The following KCTD16 variants were observed in gnomAD, a reference collection of about 807,000 sequenced individuals.
KCTD16 encodes the protein BTB/POZ domain-containing protein KCTD16.
A neutral mutation model predicts 33.2 loss-of-function variants in KCTD16; 13 were observed. The ratio of observed to expected loss-of-function variants is 0.39; its 90% CI spans 0.25 to 0.62. The LOEUF (loss-of-function observed/expected upper bound fraction) is 0.62. Ranked by LOEUF, KCTD16 falls within the 20% of genes least tolerant of loss-of-function variation. The probability of loss-of-function intolerance (pLI) is 0.50; values close to 1 mark genes in which losing one functional copy is unlikely to be tolerated. For synonymous variants in KCTD16, 197 were observed against 195.3 expected (o/e 1.01, Z -0.07); for missense variants, 441 against 525.1 (o/e 0.84, Z 1.57).
chr5:144,414,508 A>T, intron 3 of KCTD16, among the ~76,000 whole-genome samples: 1 of 152,214 alleles, frequency 6.6e-6, no homozygotes, highest in East Asian at 1.9e-4. Context: ...TCAGGCAGGG[A>T]CAATGTCTTC....
At chr5:144,233,647 C>T (rs975079352) in intron 3 of KCTD16, among the ~76,000 whole-genome samples, 7 of 152,086 alleles carry the variant, frequency 4.6e-5, no homozygotes, top group Non-Finnish European at 1.0e-4. Flanking sequence ...TGTGCTATTA[C>T]ATTATTTGCA....
At chr5:144,451,078 G>C (rs1753930728) in intron 3 of KCTD16, among the ~76,000 whole-genome samples, 1 of 152,066 alleles carries the variant, frequency 6.6e-6, no homozygotes, top group South Asian at 2.1e-4. Flanking sequence ...ATGCACAGCT[G>C]CTTTTATATA....
chr5:144,225,553 TGTG>T (rs1753905236), intron 3 of KCTD16, among the ~76,000 whole-genome samples: 1 of 20,428 alleles, frequency 4.9e-5, no homozygotes, highest in South Asian at 9.7e-4. Flanking sequence ...AAAAATAAAT[TGTG>T]TGTGTGTGTG....
At chr5:144,308,665 T>G (rs1481164929) in intron 3 of KCTD16, among the ~76,000 whole-genome samples, 1 of 152,140 alleles carries the variant, frequency 6.6e-6, no homozygotes, top group Non-Finnish European at 1.5e-5. Flanking sequence ...ATATATCTGT[T>G]TGTCTGTCTG....
chr5:144,361,288 T>A (rs941523206), intron 3 of KCTD16, among the ~76,000 whole-genome samples: 3 of 152,168 alleles, frequency 2.0e-5, no homozygotes, highest in African/African-American at 7.2e-5. Flanking sequence ...TACCTAGTAA[T>A]GGGATTGCTG....
intron 3 of KCTD16, among the ~76,000 whole-genome samples, chr5:144,372,839 C>T (rs945651127): frequency 3.2e-4 from 49 of 152,118 alleles, no homozygotes; most frequent in African/African-American, 1.1e-3. Flanking sequence ...GGCTGTTAGC[C>T]CAGAATCAGG....
chr5:144,360,169 T>A (rs1751673985), intron 3 of KCTD16, among the ~76,000 whole-genome samples: 1 of 152,136 alleles, frequency 6.6e-6, no homozygotes, highest in Admixed American at 6.6e-5. Context: ...GGTATACACG[T>A]GCCATGGTGG....
rs530100102 is a variant in KCTD16 at position 144,416,189 on chromosome 5, A to C, written c.833-57471A>C. Among the ~76,000 whole-genome samples, 3 of 152,340 alleles carry C rather than the reference A, an allele frequency of 2.0e-5. No homozygotes were observed. The East Asian group carries it at 5.8e-4, about 29-fold the overall frequency. ...CTGAATAATTCTCTCAGTGTTGTACAAGTAATAGGCAGAACACAAGCTCAG... is the reference window on the plus strand; with the variant it reads ...CTGAATAATTCTCTCAGTGTTGTACCAGTAATAGGCAGAACACAAGCTCAG... On this transcript the variant is annotated intron_variant, in intron 3 of 3. Transcript: ENST00000512467.
intron 3 of KCTD16, among the ~76,000 whole-genome samples, chr5:144,237,139 G>A (rs1176716013): frequency 6.6e-6 from 1 of 152,008 alleles, no homozygotes; most frequent in Non-Finnish European, 1.5e-5. Flanking sequence ...TACCCAGAAT[G>A]TTTCTCCTAC....
intron 3 of KCTD16, among the ~76,000 whole-genome samples, chr5:144,329,545 T>C (rs949754650): frequency 6.6e-6 from 1 of 152,206 alleles, no homozygotes; most frequent in African/African-American, 2.4e-5. Context: ...AGCATTTTAT[T>C]GGACGCTTGG....
chr5:144,208,811 A>G (rs1253092787), intron 3 of KCTD16, among the ~76,000 whole-genome samples: 1 of 152,254 alleles, frequency 6.6e-6, no homozygotes, highest in East Asian at 1.9e-4. Context: ...CCTGTGGAAA[A>G]AAACGAAATC....
In KCTD16 at chr5:144,206,740, G is replaced by A. The variant is rs373329363; in HGVS notation, c.26G>A (p.Arg9His). Residue 9 changes from arginine to histidine, a missense_variant, in exon 3 of 4, where the codon CGT (arginine) becomes CAT (histidine). Coordinates refer to ENST00000512467, the MANE Select transcript of KCTD16 (RefSeq NM_020768.4). MALSGNCS[R>H]YYPREQGSAV... ...ATGGCTCTGAGTGGAAACTGTAGTC[G>A]TTATTATCCTCGAGAACAAGGGTCC... 49 of 1,613,638 alleles carry A rather than the reference G, an allele frequency of 3.0e-5. No individual in the cohort carries two copies. Among genetic ancestry groups the A allele is most frequent in the Non-Finnish European group, 3.4e-5 (40 of 1,179,840 alleles).
chr5:144,401,342 G>A (rs1324598734), intron 3 of KCTD16, among the ~76,000 whole-genome samples: 2 of 152,178 alleles, frequency 1.3e-5, no homozygotes, highest in African/African-American at 2.4e-5. Flanking sequence ...AGGTGATACT[G>A]GAAAGGTGTA....
intron 3 of KCTD16, among the ~76,000 whole-genome samples, chr5:144,452,809 A>G (rs1208644765): frequency 6.6e-6 from 1 of 151,824 alleles, no homozygotes; most frequent in East Asian, 1.9e-4. Context: ...CCTCACACCA[A>G]GAGTATAGGG....
intron 3 of KCTD16, among the ~76,000 whole-genome samples, chr5:144,220,914 C>A (rs1222828523): frequency 6.7e-6 from 1 of 149,900 alleles, no homozygotes; most frequent in Admixed American, 6.6e-5. Flanking sequence ...GCACTCCAGC[C>A]TGGGCGACAG....
At chr5:144,419,145 G>T (rs1023361503) in intron 3 of KCTD16, among the ~76,000 whole-genome samples, 1 of 152,072 alleles carries the variant, frequency 6.6e-6, no homozygotes, top group Non-Finnish European at 1.5e-5. Flanking sequence ...TTTCCATTGT[G>T]CCCATTTGAC....
chr5:144,436,875 C>T (rs192076229), intron 3 of KCTD16, among the ~76,000 whole-genome samples: 1 of 152,094 alleles, frequency 6.6e-6, no homozygotes, highest in Non-Finnish European at 1.5e-5. Context: ...TGTGAGCTAC[C>T]AGGCCCGGCC....
At chr5:144,246,109 C>T (rs1207906983) in intron 3 of KCTD16, among the ~76,000 whole-genome samples, 1 of 152,110 alleles carries the variant, frequency 6.6e-6, no homozygotes, top group African/African-American at 2.4e-5. Context: ...TGCTGCATCA[C>T]AGAGATCAGC....
intron 3 of KCTD16, among the ~76,000 whole-genome samples, chr5:144,325,330 T>C (rs1330888554): frequency 6.6e-6 from 1 of 152,186 alleles, no homozygotes; most frequent in African/African-American, 2.4e-5. Flanking sequence ...AACCTCCCTG[T>C]GTCTAATAGG....
Sources: allele counts gnomAD v4.1 joint callset (sites outside exome capture counted in the v4.1 genomes callset), GRCh38; gene constraint gnomAD v4.1.1; transcripts MANE v1.5; gene names NCBI Gene and HGNC (gene_info 2026-07-23, HGNC 2026-07-21).